The following AGBL1 variants were observed in gnomAD, a reference collection of about 807,000 sequenced individuals.
The protein encoded by AGBL1 is AGBL carboxypeptidase 1.
Under a neutral mutation model 118.9 loss-of-function variants are expected in AGBL1, and 130 were observed. The ratio of observed to expected loss-of-function variants is 1.09; its 90% confidence interval spans 0.95 to 1.26. The LOEUF (loss-of-function observed/expected upper bound fraction) is 1.26. Ranked by LOEUF, AGBL1 falls within the 50% of genes most tolerant of loss-of-function variation. AGBL1 has a pLI of 0.00. For synonymous variants in AGBL1, 555 were observed against 478.9 expected (o/e 1.16, Z -2.08); for missense variants, 1,584 against 1,298.1 (o/e 1.22, Z -3.38).
At chr15:86,998,084 G>A (rs1193924417) in intron 24 of AGBL1, among the ~76,000 whole-genome samples, 1 of 152,150 alleles carries the variant, frequency 6.6e-6, no homozygotes, top group Non-Finnish European at 1.5e-5. Flanking sequence ...TGGGGATTGT[G>A]ACAGGCAGCT....
intron 5 of AGBL1, among the ~76,000 whole-genome samples, chr15:86,187,435 GCCC>G (rs2077650448): frequency 1.3e-5 from 2 of 152,134 alleles, no homozygotes; most frequent in African/African-American, 4.8e-5. Flanking sequence ...TGTATTGAAA[GCCC>G]CTCAAACTAT....
At chr15:86,166,662 C>T (rs372884182) in intron 5 of AGBL1, among the ~76,000 whole-genome samples, 257 of 152,254 alleles carry the variant, frequency 1.7e-3, no homozygotes, top group African/African-American at 6.0e-3. Flanking sequence ...ACTCATCCTG[C>T]GTGTGGGTTG....
chr15:86,693,866 TTA>T (rs1183790609), intron 22 of AGBL1, among the ~76,000 whole-genome samples: 2 of 152,008 alleles, frequency 1.3e-5, no homozygotes, highest in Non-Finnish European at 2.9e-5. Context: ...TTTCCCCACT[TTA>T]TGTTTTTATT....
chr15:86,757,006 A>C (rs916025528), intron 22 of AGBL1, among the ~76,000 whole-genome samples: 6 of 150,734 alleles, frequency 4.0e-5, no homozygotes, highest in Admixed American at 3.3e-4. Context: ...TTACCTACAG[A>C]TCCCCAGATC....
intron 22 of AGBL1, among the ~76,000 whole-genome samples, chr15:86,880,872 C>A (rs1045034289): frequency 6.6e-5 from 10 of 152,090 alleles, no homozygotes; most frequent in African/African-American, 2.4e-4. Context: ...CCTTTACTTC[C>A]CTGTTACAGC....
intron 6 of AGBL1, among the ~76,000 whole-genome samples, chr15:86,239,307 A>G (rs1290787356): frequency 2.0e-5 from 3 of 152,228 alleles, no homozygotes; most frequent in African/African-American, 7.2e-5. Flanking sequence ...AAATGTATCT[A>G]TTTTACAAAG....
At chr15:86,707,409 C>CG (rs2086470769) in intron 22 of AGBL1, among the ~76,000 whole-genome samples, 1 of 134,350 alleles carries the variant, frequency 7.4e-6, no homozygotes, top group African/African-American at 2.7e-5. Context: ...AATATGTTTT[C>CG]ATGAAACTGT....
intron 23 of AGBL1, among the ~76,000 whole-genome samples, chr15:86,946,596 T>C (rs141267315): frequency 0.039 from 5,928 of 151,964 alleles, 158 homozygotes; most frequent in Middle Eastern, 0.071. Context: ...GCCTGTAATC[T>C]CAGCACTTTG....
chr15:86,455,458 C>G (rs1015336480), intron 18 of AGBL1, among the ~76,000 whole-genome samples: 1 of 151,892 alleles, frequency 6.6e-6, no homozygotes, highest in African/African-American at 2.4e-5. Flanking sequence ...TCCTGCTTCC[C>G]AATTGGTTGG....
intron 23 of AGBL1, among the ~76,000 whole-genome samples, chr15:86,977,708 G>C (rs1201986574): frequency 6.6e-6 from 1 of 151,750 alleles, no homozygotes; most frequent in African/African-American, 2.4e-5. Context: ...AATTACTTAA[G>C]TCTACTAGAT....
At chr15:86,736,393 T>A (rs1035686457) in intron 22 of AGBL1, among the ~76,000 whole-genome samples, 1 of 149,846 alleles carries the variant, frequency 6.7e-6, no homozygotes, top group Non-Finnish European at 1.5e-5. Flanking sequence ...AAAAAAAAAA[T>A]TATTTAGCAC....
intron 18 of AGBL1, among the ~76,000 whole-genome samples, chr15:86,503,559 T>C (rs1438572254): frequency 6.6e-6 from 1 of 151,268 alleles, no homozygotes; most frequent in Non-Finnish European, 1.5e-5. Context: ...TAATCTCTTT[T>C]AATACAGGCA....
chr15:87,026,155 T>C (rs965026937), intron 24 of AGBL1, among the ~76,000 whole-genome samples: 1 of 151,964 alleles, frequency 6.6e-6, no homozygotes, highest in Non-Finnish European at 1.5e-5. Flanking sequence ...GATAAATTGT[T>C]GGGACTTAGT....
chr15:86,411,556 T>G (rs956291814), intron 18 of AGBL1, among the ~76,000 whole-genome samples: 1 of 152,152 alleles, frequency 6.6e-6, no homozygotes, highest in Non-Finnish European at 1.5e-5. Flanking sequence ...CACATAGCCC[T>G]TTTGAATTAT....
Position 86,984,443 on chromosome 15 carries a change from C to T in AGBL1, c.3222-3544C>T, listed in dbSNP as rs1378469609. On this transcript the variant is annotated intron_variant, in intron 23 of 24. Coordinates refer to the AGBL1 transcript ENST00000441037. ...GCAGTGGCGTGATCTCGGCTCACTG[C>T]AACCTCCGCCCCGCTGGGTTCGAGC... is the stretch of plus-strand genomic sequence containing the variant. Among the ~76,000 whole-genome samples the T allele has an allele frequency of 6.6e-5, 10 of 151,272 alleles. No individual in the cohort carries two copies. The East Asian group carries it at 2.0e-3, about 30-fold the overall frequency.
At chr15:86,411,892 A>G (rs530174845) in intron 18 of AGBL1, among the ~76,000 whole-genome samples, 26 of 152,292 alleles carry the variant, frequency 1.7e-4, no homozygotes, top group African/African-American at 5.5e-4. Flanking sequence ...TTAATTTACT[A>G]GTGCCAGTCT....
At chr15:86,393,191 T>C (rs1381479099) in intron 17 of AGBL1, among the ~76,000 whole-genome samples, 1 of 152,158 alleles carries the variant, frequency 6.6e-6, no homozygotes, top group African/African-American at 2.4e-5. Context: ...TGTGGTGTAT[T>C]ACAATACAGC....
intron 17 of AGBL1, among the ~76,000 whole-genome samples, chr15:86,351,893 CAT>C (rs1215506233): frequency 6.6e-6 from 1 of 152,114 alleles, no homozygotes; most frequent in Non-Finnish European, 1.5e-5. Flanking sequence ...TTTGACAAAA[CAT>C]AGACCAAGGG....
intron 24 of AGBL1, among the ~76,000 whole-genome samples, chr15:87,000,025 C>T (rs1313053111): frequency 3.5e-5 from 3 of 86,600 alleles, no homozygotes; most frequent in African/African-American, 1.2e-4. Context: ...TAAATGTCTT[C>T]TTTGGAGAAG....
Sources: gnomAD v4.1 joint callset for allele counts (sites outside exome capture counted in the v4.1 genomes callset) on GRCh38, gnomAD v4.1.1 for gene constraint, MANE v1.5 for transcripts, NCBI Gene and HGNC (gene_info 2026-07-23, HGNC 2026-07-21) for gene names.